POGK: variants seen among roughly 807,000 people sequenced by gnomAD.
The protein encoded by POGK is pogo transposable element derived with KRAB domain.
A neutral mutation model predicts 54.4 loss-of-function variants in POGK; 16 were observed. The observed-to-expected ratio is 0.29, with a 90% CI of 0.20 to 0.45. The LOEUF is 0.45. Among genes scored for constraint, POGK ranks in the 20% least tolerant of loss-of-function variants. The pLI, the probability that POGK is intolerant of heterozygous loss-of-function variation, is 1.00. For synonymous variants in POGK, 271 were observed against 302.2 expected, an observed-to-expected ratio of 0.90 and a Z score of 1.07; for missense variants, 515 against 795.6, an observed-to-expected ratio of 0.65 and a Z score of 4.24.
intron 3 of POGK, among the ~76,000 whole-genome samples, chr1:166,847,153 C>T (rs1289152375): frequency 6.6e-6 from 1 of 152,208 alleles, no homozygotes; most frequent in African/African-American, 2.4e-5. Flanking sequence ...TGATATCACA[C>T]ATCTTATCAG....
Position 166,841,043 on chromosome 1 carries a change from C to T in POGK, c.87C>T (p.Gly29=). Residue 29 remains glycine (G), a synonymous_variant, in exon 2 of 6, where the codon GGC becomes GGT. Coordinates refer to ENST00000367876, the MANE Select transcript of POGK (RefSeq NM_017542.5). ...EEIQSRELED[G]PADMQKVRIC... is the part of the protein sequence containing the mutation. ...TTCAGAGCCGGGAACTAGAGGACGGCCCGGCAGACATGCAGAAAGTACGAA... is the reference window on the plus strand; with the variant it reads ...TTCAGAGCCGGGAACTAGAGGACGGTCCGGCAGACATGCAGAAAGTACGAA... 1.9e-6 allele frequency: 3 copies of T among 1,613,998 alleles called. No individual in the cohort carries two copies. The highest frequency in any genetic ancestry group is 2.5e-6 in the Non-Finnish European group (3 of 1,179,994).
chr1:166,850,476 A>T (rs1343963592), intron 5 of POGK, 53 bp downstream of exon 5: 2 of 1,508,686 alleles, frequency 1.3e-6, no homozygotes, highest in East Asian at 4.5e-5. Context: ...TCTGTGTTCT[A>T]CAAACACCTT....
chr1:166,840,032 C>T (rs1371910201), intron 1 of POGK: 1 of 152,180 alleles, frequency 6.6e-6, no homozygotes, highest in Admixed American at 6.5e-5. Flanking sequence ...AGTTCGGGCC[C>T]CAGCTGCAGG....
At chr1:166,843,946 C>T (rs1474540550) in intron 2 of POGK, among the ~76,000 whole-genome samples, 4 of 152,134 alleles carry the variant, frequency 2.6e-5, no homozygotes, top group Non-Finnish European at 5.9e-5. Flanking sequence ...CAGTTTTGCC[C>T]GGGGCCGGCC....
chr1:166,839,907 C>G (rs1443673456), intron 1 of POGK: 1 of 151,716 alleles, frequency 6.6e-6, no homozygotes, highest in Non-Finnish European at 1.5e-5. Flanking sequence ...CCCGGGGGCG[C>G]GGCGGCGGTG....
intron 4 of POGK, 121 bp from the exon 5 acceptor site, chr1:166,848,815 TAA>T: frequency 1.5e-6 from 2 of 1,323,418 alleles, no homozygotes; most frequent in Non-Finnish European, 2.1e-6. Context: ...TACCTGTTAT[TAA>T]AGTTACTACT....
chr1:166,844,488 C>CGAAT (rs1428693439), intron 2 of POGK, among the ~76,000 whole-genome samples: 1 of 152,094 alleles, frequency 6.6e-6, no homozygotes. Context: ...AGCCTGAAGA[C>CGAAT]GAATCCATTT....
intron 1 of POGK, 94 bp downstream of exon 1, chr1:166,839,698 GCC>G (rs1657392483): frequency 2.0e-5 from 1 of 50,488 alleles, no homozygotes; most frequent in Admixed American, 1.7e-4. Context: ...CCGAGGCTGC[GCC>G]GCCGCCGCCG....
chr1:166,851,288 G>C (rs1471234097), intron 5 of POGK: 1 of 152,162 alleles, frequency 6.6e-6, no homozygotes, highest in Non-Finnish European at 1.5e-5. Flanking sequence ...TCTACAGTAT[G>C]TTACCAGCGA....
In POGK at chr1:166,855,859, G is replaced by C. The variant is rs1658256287; in HGVS notation, c.*3289G>C. 6.9e-6 allele frequency: 1 copy of C among 145,740 alleles called. No individual in the cohort carries two copies. Among genetic ancestry groups the C allele is most frequent in the African/African-American group, 2.6e-5 (1 of 38,226 alleles). 9.0% of individuals were successfully genotyped at this position (145,740 alleles called of 1,614,324 possible). A position where few individuals can be genotyped will look rare whatever the true frequency, so the allele number is the denominator to read the frequency against. On this transcript the variant is annotated 3_prime_UTR_variant, in exon 6 of 6. Transcript: ENST00000367876. ...ACACATATTCCCTAGGCAGCATTAAGGCCCAGGTATATTGAGTAGTCCAAA... is the reference window on the plus strand; with the variant it reads ...ACACATATTCCCTAGGCAGCATTAACGCCCAGGTATATTGAGTAGTCCAAA...
intron 2 of POGK, among the ~76,000 whole-genome samples, chr1:166,845,814 T>C (rs1657822276): frequency 6.6e-6 from 1 of 152,188 alleles, no homozygotes; most frequent in South Asian, 2.1e-4. Context: ...CTTGGCTGCC[T>C]TGGGCTACTG....
At chr1:166,846,828 C>G in intron 3 of POGK, 90 bp downstream of exon 3, 3 of 1,509,426 alleles carry the variant, frequency 2.0e-6, no homozygotes, top group Non-Finnish European at 9.1e-7. Flanking sequence ...CAATGTCCCT[C>G]TCTCCTGAAC....
In POGK at chr1:166,848,987, T is replaced by C. The variant is rs1657948121; in HGVS notation, c.408T>C (p.Asn136=). ...VKPPDWPNPM[N]ATSQFPQPQH... is the part of the protein sequence containing the mutation. ...CTCCAGACTGGCCAAACCCAATGAA[T>C]GCTACCTCCCAGTTTCCTCAGCCTC... Residue 136 remains asparagine (N), a synonymous_variant, in exon 5 of 6, where the codon AAT becomes AAC. Transcript: ENST00000367876. 3.7e-6 allele frequency: 6 copies of C among 1,613,760 alleles called. No individual in the cohort carries two copies. The African/African-American group carries it at 4.0e-5, about 11-fold the overall frequency.
chr1:166,843,184 A>G (rs968556660), intron 2 of POGK, among the ~76,000 whole-genome samples: 1 of 152,230 alleles, frequency 6.6e-6, no homozygotes, highest in Non-Finnish European at 1.5e-5. Flanking sequence ...AGCACAGGCA[A>G]AAGCACTGAG....
In POGK at chr1:166,846,598, G is replaced by T. The variant is rs1162712811; in HGVS notation, c.133-14G>T. The T allele has an allele frequency of 1.2e-5, 19 of 1,614,032 alleles. No individual in the cohort carries two copies. The highest frequency in any genetic ancestry group is 1.5e-5 in the Non-Finnish European group (18 of 1,179,948). ...GCCTGTTTGTCATTGTGAAAGGGCT[G>T]TTCACTCTTCCAGGTACCGGCCCTA... On this transcript the variant is annotated splice_polypyrimidine_tract_variant and intron_variant, in intron 2 of 5. Transcript: ENST00000367876.
rs1658185334 is a variant in POGK at position 166,854,061 on chromosome 1, T to C, written c.*1491T>C. The C allele has an allele frequency of 6.6e-6, 1 of 152,332 alleles. No individual in the cohort carries two copies. The highest frequency in any genetic ancestry group is 2.4e-5 in the African/African-American group (1 of 41,468). 9.4% of individuals were successfully genotyped at this position (152,332 alleles called of 1,614,324 possible). ...TTTTTCATCTGTCCTAGTTACTGGC[T>C]CTTTCTTCATGTCTTATTTCTCTTG... is the stretch of plus-strand genomic sequence containing the variant. On this transcript the variant is annotated 3_prime_UTR_variant, in exon 6 of 6. Transcript: ENST00000367876.
Position 166,854,791 on chromosome 1 carries a change from C to T in POGK, c.*2221C>T, listed in dbSNP as rs982443799. 2.0e-5 allele frequency: 3 copies of T among 152,160 alleles called. No homozygotes were observed. The highest frequency in any genetic ancestry group is 2.4e-5 in the African/African-American group (1 of 41,434). The allele number at this position is 152,160 out of a possible 1,614,324, so 9.4% of individuals were successfully genotyped here. On this transcript the variant is annotated 3_prime_UTR_variant, in exon 6 of 6. Coordinates refer to ENST00000367876, the MANE Select transcript of POGK (RefSeq NM_017542.5). ...ATTTTAAATGAAAGTATGATGAACCCGCAAGTCTTAATTATGCACTTTTAA... is the reference window on the plus strand; with the variant it reads ...ATTTTAAATGAAAGTATGATGAACCTGCAAGTCTTAATTATGCACTTTTAA...
At position 166,839,621 on chromosome 1, in the gene POGK, G is replaced by C. The variant is rs888628159; in HGVS notation, c.-3+17G>C. ...GGCCCGGCGGTGAGTGCGCGCGGGC[G>C]GGGGCGGCGGCGGCGCGGCCCCTCC... is the stretch of plus-strand genomic sequence containing the variant. On this transcript the variant is annotated intron_variant, in intron 1 of 5. Coordinates refer to ENST00000367876, the MANE Select transcript of POGK (RefSeq NM_017542.5). 14 of 146,642 alleles carry C rather than the reference G, an allele frequency of 9.5e-5. No individual in the cohort carries two copies. The highest frequency in any genetic ancestry group is 2.1e-4 in the Non-Finnish European group (14 of 65,916). 9.1% of individuals were successfully genotyped at this position (146,642 alleles called of 1,614,324 possible). A position where few individuals can be genotyped will look rare whatever the true frequency, so the allele number is the denominator to read the frequency against.
chr1:166,839,696 G>GCGCCGC (rs567551584), intron 1 of POGK, 92 bp downstream of exon 1: 3 of 140,784 alleles, frequency 2.1e-5, no homozygotes, highest in Admixed American at 6.9e-5. Flanking sequence ...CGCCGAGGCT[G>GCGCCGC]CGCCGCCGCC....
Sources: gnomAD v4.1 joint callset for allele counts (sites outside exome capture counted in the v4.1 genomes callset) on GRCh38, gnomAD v4.1.1 for gene constraint, MANE v1.5 for transcripts, NCBI Gene and HGNC (gene_info 2026-07-23, HGNC 2026-07-21) for gene names.